LATS2: variants seen among roughly 807,000 people sequenced by gnomAD.
LATS2 encodes serine/threonine-protein kinase LATS2.
In LATS2, 24 loss-of-function variants were observed where a neutral mutation model predicts 76.0. The observed-to-expected ratio is 0.32, with a 90% CI of 0.23 to 0.44. The LOEUF (loss-of-function observed/expected upper bound fraction) is 0.44. Ranked by LOEUF, LATS2 falls within the 20% of genes least tolerant of loss-of-function variation. LATS2 has a pLI of 1.00. For missense variants in LATS2, 1,286 were observed against 1,481.2 expected, an observed-to-expected ratio of 0.87 and a Z score of 2.16; for synonymous variants, 692 against 635.4, an observed-to-expected ratio of 1.09 and a Z score of -1.34.
At chr13:20,985,741 T>TA (rs1168630343) in intron 4 of LATS2, among the ~76,000 whole-genome samples, 33 of 141,628 alleles carry the variant, frequency 2.3e-4, no homozygotes, top group African/African-American at 6.9e-4. Flanking sequence ...CCGTCTTAAT[T>TA]AAAAAATAAA....
At chr13:21,038,991 A>T (rs1372456012) in intron 2 of LATS2, among the ~76,000 whole-genome samples, 2 of 152,148 alleles carry the variant, frequency 1.3e-5, no homozygotes, top group African/African-American at 2.4e-5. Context: ...GAAAACAAAA[A>T]CAAAAACTAG....
intron 7 of LATS2, among the ~76,000 whole-genome samples, chr13:20,975,844 C>T (rs1170049715): frequency 7.9e-5 from 12 of 152,108 alleles, no homozygotes; most frequent in African/African-American, 2.2e-4. Context: ...CCACCACACC[C>T]GGCTGATTTT....
rs1473838207 is a variant in LATS2 at position 20,988,793 on chromosome 13, A to G, written c.987T>C (p.His329=). 1.9e-6 allele frequency: 3 copies of G among 1,594,192 alleles called. No homozygotes were observed. The highest frequency in any genetic ancestry group is 1.7e-5 in the Admixed American group (1 of 59,260). ...ACACCTGGCTGCGGGAGCCCAGCAC[A>G]TGCAGCTGGTGGGCCGCGGGACCGG... The part of the protein sequence containing the change: ...KQAGPAAHQL[H]VLGSRSQVFA... The change falls in exon 4 of 8, where the codon CAT becomes CAC. Residue 329 remains histidine (H), a synonymous_variant. Coordinates refer to ENST00000382592, the MANE Select transcript of LATS2 (RefSeq NM_014572.3).
Position 21,045,940 on chromosome 13 carries a change from T to C in LATS2, c.87A>G (p.Pro29=). 1 of 1,614,216 alleles carries C rather than the reference T, an allele frequency of 6.2e-7. No individual in the cohort carries two copies. Among genetic ancestry groups the C allele is most frequent in the Non-Finnish European group, 8.5e-7 (1 of 1,180,030 alleles). ...GTAGCCCCTGAACCGAAGACTTGGA[T>C]GGCTGTTTTAACCCCTCACGAATCT... ...LQEIREGLKQ[P]SKSSVQGLPA... The change falls in exon 2 of 8, where the codon CCA becomes CCG. Residue 29 remains proline, a synonymous_variant. Coordinates refer to ENST00000382592, the MANE Select transcript of LATS2 (RefSeq NM_014572.3).
At chr13:21,051,560 G>T (rs192535806) in intron 1 of LATS2, among the ~76,000 whole-genome samples, 1 of 152,298 alleles carries the variant, frequency 6.6e-6, no homozygotes, top group African/African-American at 2.4e-5. Context: ...GGGGCCAGTG[G>T]TGGTGCCATT....
rs138905650 is a variant in LATS2 at position 20,987,624 on chromosome 13, T to C, written c.1899+257A>G. 3.8e-3 allele frequency among the ~76,000 whole-genome samples: 581 copies of C among 152,328 alleles called. 2 individuals carry two copies. Among genetic ancestry groups the C allele is most frequent in the African/African-American group, 0.014 (566 of 41,570 alleles). On this transcript the variant is annotated intron_variant, in intron 4 of 7. Coordinates refer to ENST00000382592, the MANE Select transcript of LATS2 (RefSeq NM_014572.3). ...GCTAATTTACCTACAATGTAAATTG[T>C]AGATTACCTACATTACGCTGGCTAC...
rs764619975 is a variant in LATS2 at position 20,988,261 on chromosome 13, C to T, written c.1519G>A (p.Gly507Arg). The T allele has an allele frequency of 7.5e-6, 12 of 1,598,330 alleles. 1 individual carries two copies. The highest frequency in any genetic ancestry group is 2.2e-5 in the East Asian group (1 of 44,768). The change falls in exon 4 of 8, where the codon GGA (glycine) becomes AGA (arginine). Residue 507 changes from glycine to arginine, a missense_variant. Gly to Arg is a moderately radical substitution (Grantham distance 125). Around this residue, in one of 5 missense-constraint regions of LATS2, gnomAD observed 710 missense variants for 660.9 expected, o/e 1.07. Coordinates refer to ENST00000382592, the MANE Select transcript of LATS2 (RefSeq NM_014572.3). ...GGCGGGCACCTCCGGTCTGGGCCTC[C>T]GTACTCCACGTCCAGCGGGAAGGCG... The part of the protein sequence containing the change: ...AGAFPLDVEY[G>R]GPDRRCPPPP...
chr13:21,036,906 G>A (rs546922540), intron 2 of LATS2, among the ~76,000 whole-genome samples: 50 of 152,314 alleles, frequency 3.3e-4, no homozygotes, highest in Admixed American at 2.9e-3. Context: ...TCAATTGAAT[G>A]ATTTTTAAAA....
At chr13:21,039,167 G>C (rs550154660) in intron 2 of LATS2, among the ~76,000 whole-genome samples, 1 of 152,210 alleles carries the variant, frequency 6.6e-6, no homozygotes, top group African/African-American at 2.4e-5. Context: ...GAAAAGGCAA[G>C]GAACTGCTAC....
Position 20,973,907 on chromosome 13 carries a change from T to C in LATS2, c.*963A>G, listed in dbSNP as rs1253708727. On this transcript the variant is annotated 3_prime_UTR_variant, in exon 8 of 8. Coordinates refer to ENST00000382592, the MANE Select transcript of LATS2 (RefSeq NM_014572.3). ...CGGACATGTGTCCGTGATTAAACTTTTTGGCATCGCTGTATTAATCCCTTT... is the reference window on the plus strand; with the variant it reads ...CGGACATGTGTCCGTGATTAAACTTCTTGGCATCGCTGTATTAATCCCTTT... The C allele has an allele frequency of 4.5e-6, 1 of 222,098 alleles. No homozygotes were observed. Among genetic ancestry groups the C allele is most frequent in the East Asian group, 6.8e-5 (1 of 14,668 alleles). 13.8% of individuals were successfully genotyped at this position (222,098 alleles called of 1,614,324 possible).
intron 1 of LATS2, among the ~76,000 whole-genome samples, chr13:21,054,883 G>C (rs1259313523): frequency 1.3e-5 from 2 of 152,190 alleles, no homozygotes; most frequent in Non-Finnish European, 2.9e-5. Context: ...TACGGAGGGA[G>C]GGGGAGGACC....
chr13:20,989,561 A>G (rs1202405377), intron 3 of LATS2, among the ~76,000 whole-genome samples: 1 of 152,172 alleles, frequency 6.6e-6, no homozygotes, highest in African/African-American at 2.4e-5. Flanking sequence ...AGAAGAGAAG[A>G]CTGCGTCCAC....
chr13:21,000,383 T>TAAC (rs1402448366), intron 2 of LATS2, among the ~76,000 whole-genome samples: 1 of 151,656 alleles, frequency 6.6e-6, no homozygotes, highest in Admixed American at 6.6e-5. Flanking sequence ...TCTGTCATAA[T>TAAC]AATAATAATA....
chr13:21,034,082 G>T (rs746578150), intron 2 of LATS2, among the ~76,000 whole-genome samples: 2 of 152,148 alleles, frequency 1.3e-5, no homozygotes, highest in Admixed American at 1.3e-4. Context: ...GAGCACTAAT[G>T]ACACATGGCA....
chr13:20,990,678 G>C (rs912364442), intron 3 of LATS2, among the ~76,000 whole-genome samples: 3 of 151,922 alleles, frequency 2.0e-5, no homozygotes, highest in Admixed American at 1.3e-4. Context: ...ACACCCCAGG[G>C]GCCTCAGGTA....
chr13:20,989,438 T>C, intron 3 of LATS2, 134 bp from the exon 4 acceptor site: 1 of 888,304 alleles, frequency 1.1e-6, no homozygotes, highest in South Asian at 1.6e-5. Flanking sequence ...ACGTGCTGCA[T>C]TCTGCCCAGC....
intron 2 of LATS2, among the ~76,000 whole-genome samples, chr13:21,002,983 A>C (rs540772796): frequency 1.3e-5 from 2 of 152,198 alleles, no homozygotes; most frequent in Non-Finnish European, 2.9e-5. Flanking sequence ...GATTATAGGC[A>C]TGAGTCACTG....
At chr13:20,976,157 T>C (rs1055842216) in intron 7 of LATS2, among the ~76,000 whole-genome samples, 2 of 152,220 alleles carry the variant, frequency 1.3e-5, no homozygotes, top group African/African-American at 4.8e-5. Context: ...ATGTGTCTAC[T>C]GTGAAGACAA....
Position 21,036,686 on chromosome 13 carries a change from T to C in LATS2, c.342+8999A>G, listed in dbSNP as rs764768818. On this transcript the variant is annotated intron_variant, in intron 2 of 7. Transcript: ENST00000382592. ...TACTCAAGAGGCTGAAGCAGGAGAA[T>C]TGCTTGAACCTGGGACACGGAGGTT... Among the ~76,000 whole-genome samples, 89 of 152,022 alleles carry C rather than the reference T, an allele frequency of 5.9e-4. 6 individuals carry two copies. The highest frequency in any genetic ancestry group is 2.1e-4 in the South Asian group (1 of 4,830).
Sources: allele counts gnomAD v4.1 joint callset (sites outside exome capture counted in the v4.1 genomes callset), GRCh38; gene constraint gnomAD v4.1.1; regional missense constraint gnomAD v4.1.1; transcripts MANE v1.5; gene names NCBI Gene and HGNC (gene_info 2026-07-23, HGNC 2026-07-21).